The following SEMA6B variants were observed in gnomAD, a reference collection of about 807,000 sequenced individuals.
SEMA6B encodes the protein semaphorin 6B, also known as semaphorin-6B.
In SEMA6B, 47 loss-of-function variants were observed where a neutral mutation model predicts 78.6. The ratio of observed to expected loss-of-function variants is 0.60; its 90% CI spans 0.47 to 0.76. SEMA6B has a LOEUF of 0.76. Among genes scored for constraint, SEMA6B ranks in the 30% least tolerant of loss-of-function variants. The pLI is 0.00. For missense variants in SEMA6B, 1,213 were observed against 1,269.9 expected (o/e 0.96, Z 0.68); for synonymous variants, 632 against 592.2 (o/e 1.07, Z -0.98).
In SEMA6B at chr19:4,548,407, C is replaced by A; in HGVS notation, c.1310G>T (p.Gly437Val). The A allele has an allele frequency of 6.2e-7, 1 of 1,613,256 alleles. No individual in the cohort carries two copies. The change falls in exon 13 of 17, where the codon GGC becomes GTC. Residue 437 changes from glycine (G) to valine (V), a missense_variant. Coordinates refer to ENST00000586582, the MANE Select transcript of SEMA6B (RefSeq NM_032108.4). ...GACAACGGTCTGGTTGCCCCAGGGG[C>A]CGGCTCCCACGTCCACAGCCACTCG... ...LTRVAVDVGAGPWGNQTVVFL... is the reference protein window; with the variant it reads ...LTRVAVDVGAVPWGNQTVVFL...
rs10853972 is a variant in SEMA6B at position 4,548,233 on chromosome 19, C to A, written c.1454+30G>T. ...CTCAGCCCATCTCCCCTCCTGCTGG[C>A]GACCCCTTCCCACCTTTGCCCAGAC... is the stretch of plus-strand genomic sequence containing the variant. On this transcript the variant is annotated intron_variant, in intron 13 of 16. Coordinates refer to ENST00000586582, the MANE Select transcript of SEMA6B (RefSeq NM_032108.4). 726,220 of 1,590,844 alleles carry A rather than the reference C, an allele frequency of 0.46. 173,190 individuals carry two copies. Among genetic ancestry groups the A allele is most frequent in the East Asian group, 0.86 (37,778 of 44,180 alleles).
rs1429629634 is a variant in SEMA6B, at chr19:4,550,892, T to C, written c.1028A>G (p.Gln343Arg). The C allele has an allele frequency of 1.9e-6, 3 of 1,613,502 alleles. No homozygotes were observed. Among genetic ancestry groups the C allele is most frequent in the African/African-American group, 1.3e-5 (1 of 75,002 alleles). ...GCGGCCTTCAAACACAGCTGCCACCTGTGTCAGGTCAAAGGCGCAGACAGC... is the reference window on the plus strand; with the variant it reads ...GCGGCCTTCAAACACAGCTGCCACCCGTGTCAGGTCAAAGGCGCAGACAGC... Reference protein sequence around the residue: ...GSAVCAFDLTQVAAVFEGRFR... With the variant: ...GSAVCAFDLTRVAAVFEGRFR... The change falls in exon 11 of 17, where the codon CAG (glutamine) becomes CGG (arginine). Residue 343 changes from glutamine (Q) to arginine (R), a missense_variant. By Grantham distance (43) the Gln-to-Arg change is conservative. Transcript: ENST00000586582. This position sits in a 1 kb window ranked among gnomAD's most constrained non-coding sequence, Gnocchi z 6.6.
chr19:4,545,547 C>T (rs2085337378), intron 16 of SEMA6B, among the ~76,000 whole-genome samples: 1 of 152,096 alleles, frequency 6.6e-6, no homozygotes, highest in South Asian at 2.1e-4. Flanking sequence ...ACTATATTCC[C>T]CAGGCTGGTC....
intron 10 of SEMA6B, among the ~76,000 whole-genome samples, chr19:4,551,332 G>A (rs766390187): frequency 6.6e-6 from 1 of 150,662 alleles, no homozygotes; most frequent in Non-Finnish European, 1.5e-5. Flanking sequence ...CAATTCTCCT[G>A]CCTCAGTCTC....
chr19:4,544,411 G>T lies in SEMA6B; in HGVS notation c.1857C>A (p.Gly619=). 1 of 1,604,080 alleles carries T rather than the reference G, an allele frequency of 6.2e-7. No homozygotes were observed. Residue 619 remains glycine (G), a synonymous_variant, in exon 17 of 17, where the codon GGC becomes GGA. Transcript: ENST00000586582. The surrounding 1 kb of genome is among the most constrained non-coding windows in gnomAD (Gnocchi z 5.1). The stretch of plus-strand genomic sequence containing the variant: ...GCCGCTCACGGAGGCCCACGAACCA[G>T]CCCACGCTGAAGCCGGACACCACGG... ...VGAVVSGFSV[G]WFVGLRERRE...
At position 4,544,193 on chromosome 19, in the gene SEMA6B, G is replaced by C; in HGVS notation, c.2075C>G (p.Ala692Gly). The C allele has an allele frequency of 1.6e-6, 2 of 1,272,938 alleles. No homozygotes were observed. Among genetic ancestry groups the C allele is most frequent in the South Asian group, 5.2e-5 (2 of 38,500 alleles). 78.9% of individuals were successfully genotyped at this position (1,272,938 alleles called of 1,614,324 possible). ...GTGGGGCCCGCCCTGCAGCAGCGTG[G>C]CCTTGGCCCAGCCGTTCTGCATCAG... is the stretch of plus-strand genomic sequence containing the variant. ...APLMQNGWAK[A>G]TLLQGGPHDL... is the part of the protein sequence containing the mutation. Residue 692 changes from alanine to glycine, a missense_variant, in exon 17 of 17, where the codon GCC (alanine) becomes GGC (glycine). Coordinates refer to ENST00000586582, the MANE Select transcript of SEMA6B (RefSeq NM_032108.4). This position sits in a 1 kb window ranked among gnomAD's most constrained non-coding sequence, Gnocchi z 5.1.
Position 4,555,094 on chromosome 19 carries a change from G to A in SEMA6B, c.564C>T (p.Asp188=), listed in dbSNP as rs377072495. Residue 188 remains aspartate (D), a splice_region_variant and synonymous_variant, in exon 8 of 17, where the codon GAC becomes GAT. Coordinates refer to ENST00000586582, the MANE Select transcript of SEMA6B (RefSeq NM_032108.4). This position sits in a 1 kb window ranked among gnomAD's most constrained non-coding sequence, Gnocchi z 6.1. ...PKHANVALFS[D]GMLFTATVTD... ...TAACAGTAGCTGTGAAGAGCATCCC[G>A]TCTGGATGGGGTGGGTGGGGAAGGC... 38 of 1,613,496 alleles carry A rather than the reference G, an allele frequency of 2.4e-5. No individual in the cohort carries two copies. Among genetic ancestry groups the A allele is most frequent in the African/African-American group, 1.5e-4 (11 of 74,918 alleles).
chr19:4,550,742 G>C lies in SEMA6B; in HGVS notation c.1121+57C>G. The C allele has an allele frequency of 6.3e-7, 1 of 1,598,912 alleles. No individual in the cohort carries two copies. The highest frequency in any genetic ancestry group is 1.3e-5 in the African/African-American group (1 of 74,700). On this transcript the variant is annotated intron_variant, in intron 11 of 16. Coordinates refer to ENST00000586582, the MANE Select transcript of SEMA6B (RefSeq NM_032108.4). The surrounding 1 kb of genome is among the most constrained non-coding windows in gnomAD (Gnocchi z 6.6). ...AACCACCCGGAAGCCCCAGCCCTCG[G>C]CCCTGGGGATCAGGACCTCATCCGG...
rs754651557 is a variant in SEMA6B, at chr19:4,550,781, G to A, written c.1121+18C>T. 6.2e-7 allele frequency: 1 copy of A among 1,612,968 alleles called. No individual in the cohort carries two copies. The highest frequency in any genetic ancestry group is 8.5e-7 in the Non-Finnish European group (1 of 1,179,834). The stretch of plus-strand genomic sequence containing the variant: ...GACCTCATCCGGGCATGTGACTCAG[G>A]ATGGAGGGGGTTCTCACCGGGGTCG... On this transcript the variant is annotated intron_variant, in intron 11 of 16. Transcript: ENST00000586582. The surrounding 1 kb of genome is among the most constrained non-coding windows in gnomAD (Gnocchi z 6.6).
rs1173338722 is a variant in SEMA6B, at chr19:4,542,843, C to A, written c.*758G>T. ...AGCTGCTGCCGATGTGACTTCCGGG[C>A]AGGCCCTCCTCGTGTCTCCTGCCTG... is the stretch of plus-strand genomic sequence containing the variant. On this transcript the variant is annotated 3_prime_UTR_variant, in exon 17 of 17. Coordinates refer to ENST00000586582, the MANE Select transcript of SEMA6B (RefSeq NM_032108.4). The A allele has an allele frequency of 1.4e-5, 10 of 701,896 alleles. No individual in the cohort carries two copies. The highest frequency in any genetic ancestry group is 2.4e-4 in the Middle Eastern group (1 of 4,114). 43.5% of individuals were successfully genotyped at this position (701,896 alleles called of 1,614,324 possible). A position where few individuals can be genotyped will look rare whatever the true frequency, so the allele number is the denominator to read the frequency against.
chr19:4,543,011 C>G lies in SEMA6B; in HGVS notation c.*590G>C, dbSNP rs764952814. On this transcript the variant is annotated 3_prime_UTR_variant, in exon 17 of 17. Coordinates refer to ENST00000586582, the MANE Select transcript of SEMA6B (RefSeq NM_032108.4). ...AGGCCGCTGGGGCCACCACGATCGTCGCTCGTGGACACACACCCTGCACGC... is the reference window on the plus strand; with the variant it reads ...AGGCCGCTGGGGCCACCACGATCGTGGCTCGTGGACACACACCCTGCACGC... The G allele has an allele frequency of 2.5e-5, 17 of 692,084 alleles. No individual in the cohort carries two copies. The highest frequency in any genetic ancestry group is 2.1e-4 in the South Asian group (14 of 67,082). The allele number at this position is 692,084 out of a possible 1,614,324, so 42.9% of individuals were successfully genotyped here. A position where few individuals can be genotyped will look rare whatever the true frequency, so the allele number is the denominator to read the frequency against.
chr19:4,556,161 TGA>T, intron 5 of SEMA6B, 72 bp from the exon 6 acceptor site: 1 of 1,064,342 alleles, frequency 9.4e-7, no homozygotes, highest in Non-Finnish European at 1.5e-6. Context: ...GGCCAGAACC[TGA>T]GTTGTGTGGG....
chr19:4,544,046 A>G lies in SEMA6B; in HGVS notation c.2222T>C (p.Leu741Pro), dbSNP rs1289590736. The change falls in exon 17 of 17, where the codon CTG becomes CCG. Residue 741 changes from leucine to proline, a missense_variant. Coordinates refer to ENST00000586582, the MANE Select transcript of SEMA6B (RefSeq NM_032108.4). This position sits in a 1 kb window ranked among gnomAD's most constrained non-coding sequence, Gnocchi z 5.1. ...GPRAWDHGHP[L>P]LPASASSSLL... ...GGAGGATGAAGCGGAGGCCGGGAGCAGGGGGTGGCCGTGGTCCCAGGCGCG... is the reference window on the plus strand; with the variant it reads ...GGAGGATGAAGCGGAGGCCGGGAGCGGGGGGTGGCCGTGGTCCCAGGCGCG... 24 of 1,218,618 alleles carry G rather than the reference A, an allele frequency of 2.0e-5. No individual in the cohort carries two copies. The East Asian group carries it at 7.5e-4, about 38-fold the overall frequency. The allele number at this position is 1,218,618 out of a possible 1,614,324, so 75.5% of individuals were successfully genotyped here.
Position 4,552,363 on chromosome 19 carries a change from G to C in SEMA6B, c.989+59C>G, listed in dbSNP as rs117957732. ...GGGCATACCTGAGGAGTGAATACAG[G>C]CCCTCTCTACCCATGCCCACCAAAT... On this transcript the variant is annotated intron_variant, in intron 10 of 16. Coordinates refer to ENST00000586582, the MANE Select transcript of SEMA6B (RefSeq NM_032108.4). This position sits in a 1 kb window ranked among gnomAD's most constrained non-coding sequence, Gnocchi z 7.4. The C allele has an allele frequency of 1.9e-5, 28 of 1,477,004 alleles. No individual in the cohort carries two copies. Among genetic ancestry groups the C allele is most frequent in the Non-Finnish European group, 2.6e-5 (28 of 1,088,018 alleles). 91.5% of individuals were successfully genotyped at this position (1,477,004 alleles called of 1,614,324 possible).
At chr19:4,549,874 A>C in intron 12 of SEMA6B, among the ~76,000 whole-genome samples, 1 of 152,054 alleles carries the variant, frequency 6.6e-6, no homozygotes, top group Non-Finnish European at 1.5e-5. Flanking sequence ...CGGCCTCCCA[A>C]AGTGCTGGGA....
At chr19:4,549,721 G>A (rs981671823) in intron 12 of SEMA6B, among the ~76,000 whole-genome samples, 3 of 151,902 alleles carry the variant, frequency 2.0e-5, no homozygotes, top group African/African-American at 7.3e-5. Flanking sequence ...CTCGTGATCC[G>A]CCTGCCTCGG....
chr19:4,550,755 G>T lies in SEMA6B; in HGVS notation c.1121+44C>A. The T allele has an allele frequency of 6.2e-7, 1 of 1,608,758 alleles. No individual in the cohort carries two copies. Among genetic ancestry groups the T allele is most frequent in the Non-Finnish European group, 8.5e-7 (1 of 1,177,208 alleles). ...CCCCAGCCCTCGGCCCTGGGGATCA[G>T]GACCTCATCCGGGCATGTGACTCAG... On this transcript the variant is annotated intron_variant, in intron 11 of 16. Transcript: ENST00000586582. The surrounding 1 kb of genome is among the most constrained non-coding windows in gnomAD (Gnocchi z 6.6).
chr19:4,556,493 G>C (rs1424079758), intron 5 of SEMA6B, among the ~76,000 whole-genome samples: 1 of 151,096 alleles, frequency 6.6e-6, no homozygotes, highest in Non-Finnish European at 1.5e-5. Flanking sequence ...TGGTGGGGTG[G>C]GCGTGGCCTG....
At position 4,546,249 on chromosome 19, in the gene SEMA6B, C is replaced by T. The variant is rs761310135; in HGVS notation, c.1705G>A (p.Gly569Arg). ...TCCCCTAAGCCTGAGGTGCTGGCCCCGGACACGTCCTGCTCAAAGGCGGCT... is the reference window on the plus strand; with the variant it reads ...TCCCCTAAGCCTGAGGTGCTGGCCCTGGACACGTCCTGCTCAAAGGCGGCT... ...TRAAFEQDVS[G>R]ASTSGLGDCT... The change falls in exon 16 of 17, where the codon GGG (glycine) becomes AGG (arginine). Residue 569 changes from glycine to arginine, a missense_variant. Physicochemically the swap from Gly to Arg is moderately radical, Grantham distance 125 (BLOSUM62 -2). Coordinates refer to ENST00000586582, the MANE Select transcript of SEMA6B (RefSeq NM_032108.4). 9.3e-6 allele frequency: 15 copies of T among 1,613,132 alleles called. No individual in the cohort carries two copies. Among genetic ancestry groups the T allele is most frequent in the East Asian group, 4.5e-5 (2 of 44,856 alleles).
Sources: allele counts gnomAD v4.1 joint callset (sites outside exome capture counted in the v4.1 genomes callset), GRCh38; gene constraint gnomAD v4.1.1; non-coding constraint Gnocchi (gnomAD v3.1); transcripts MANE v1.5; gene names NCBI Gene and HGNC (gene_info 2026-07-23, HGNC 2026-07-21).